The following PSMD14 variants were observed in gnomAD, a reference collection of about 807,000 sequenced individuals.
PSMD14 encodes the protein proteasome 26S subunit, non-ATPase 14, also known as ubiquitin C-terminal hydrolase PSMD14.
Under a neutral mutation model 41.2 loss-of-function variants are expected in PSMD14, and 7 were observed. The observed-to-expected ratio is 0.17, with a 90% CI of 0.10 to 0.32. The LOEUF (loss-of-function observed/expected upper bound fraction) is 0.32. Among genes scored for constraint, PSMD14 ranks in the 10% least tolerant of loss-of-function variants. The probability of loss-of-function intolerance (pLI) is 1.00; values close to 1 mark genes in which losing one functional copy is unlikely to be tolerated. For synonymous variants in PSMD14, 114 were observed against 122.3 expected (o/e 0.93, Z 0.45); for missense variants, 139 against 375.6 (o/e 0.37, Z 5.21).
At chr2:161,358,466 C>T (rs1375025010) in intron 3 of PSMD14, among the ~76,000 whole-genome samples, 10 of 152,066 alleles carry the variant, frequency 6.6e-5, no homozygotes, top group African/African-American at 2.4e-4. Flanking sequence ...TGGAAACTTA[C>T]TGTGGGTGAG....
At chr2:161,376,533 A>G (rs564910500) in intron 7 of PSMD14, among the ~76,000 whole-genome samples, 1 of 151,990 alleles carries the variant, frequency 6.6e-6, no homozygotes, top group Non-Finnish European at 1.5e-5. Context: ...GGTAATGACT[A>G]CAAAAGAAAT....
At chr2:161,403,904 A>ATTTAAATTTTT (rs1393333539) in intron 10 of PSMD14, among the ~76,000 whole-genome samples, 3 of 151,552 alleles carry the variant, frequency 2.0e-5, no homozygotes, top group African/African-American at 7.3e-5. Flanking sequence ...TATCAAATGA[A>ATTTAAATTTTT]TTTAAATTTT....
chr2:161,401,138 T>G (rs1353727748), intron 10 of PSMD14, among the ~76,000 whole-genome samples: 1 of 152,114 alleles, frequency 6.6e-6, no homozygotes, highest in Non-Finnish European at 1.5e-5. Flanking sequence ...GATAAATAAG[T>G]ACGGTACTGT....
chr2:161,335,247 T>C (rs1471162052), intron 3 of PSMD14, among the ~76,000 whole-genome samples: 2 of 152,252 alleles, frequency 1.3e-5, no homozygotes, highest in Non-Finnish European at 2.9e-5. Flanking sequence ...CAACCTCTGT[T>C]ACCAGTTTCT....
At chr2:161,401,395 G>T (rs1683876026) in intron 10 of PSMD14, among the ~76,000 whole-genome samples, 1 of 152,200 alleles carries the variant, frequency 6.6e-6, no homozygotes, top group Non-Finnish European at 1.5e-5. Flanking sequence ...TTGTTCAAGG[G>T]TCAACTGTAC....
At chr2:161,343,583 T>C (rs1446157802) in intron 3 of PSMD14, among the ~76,000 whole-genome samples, 1 of 152,204 alleles carries the variant, frequency 6.6e-6, no homozygotes, top group East Asian at 1.9e-4. Context: ...AACCCTGCAC[T>C]TTGGGAGGCC....
chr2:161,358,976 C>T (rs1379943713), intron 3 of PSMD14, among the ~76,000 whole-genome samples: 1 of 152,120 alleles, frequency 6.6e-6, no homozygotes, highest in Non-Finnish European at 1.5e-5. Context: ...GTTGTTTATT[C>T]AGTTCTTTTT....
Position 161,367,810 on chromosome 2 carries a change from T to C in PSMD14, c.147T>C (p.Val49=), listed in dbSNP as rs775188872. Residue 49 remains valine (V), a synonymous_variant, in exon 5 of 12, where the codon GTT becomes GTC. Coordinates refer to ENST00000409682, the MANE Select transcript of PSMD14 (RefSeq NM_005805.6). ...LKMLKHGRAG[V]PMEVMGLMLG... is the part of the protein sequence containing the mutation. ...TGTTAAAACATGGCCGTGCTGGAGT[T>C]CCAATGGAAGTTATGGGTTTGATGC... 6.2e-7 allele frequency: 1 copy of C among 1,613,478 alleles called. No individual in the cohort carries two copies.
rs568810617 is a variant in PSMD14, at chr2:161,338,369, A to C, written c.48+19496A>C. On this transcript the variant is annotated intron_variant, in intron 3 of 11. Transcript: ENST00000409682. Reference sequence around the variant, plus strand: ...TTTTTTTTTTTTTTTGGAAAGAAAAACTTCTCTTAAAATTTTTTTATTTGG... The same window carrying C: ...TTTTTTTTTTTTTTTGGAAAGAAAACCTTCTCTTAAAATTTTTTTATTTGG... Among the ~76,000 whole-genome samples the C allele has an allele frequency of 1.5e-4, 22 of 148,958 alleles. No individual in the cohort carries two copies. In the South Asian group the frequency reaches 4.2e-3, roughly 28 times the overall value.
intron 3 of PSMD14, among the ~76,000 whole-genome samples, chr2:161,340,535 C>G (rs1682936879): frequency 6.6e-6 from 1 of 152,088 alleles, no homozygotes; most frequent in African/African-American, 2.4e-5. Context: ...AATCCCAGTC[C>G]AGGGTCTGAG....
intron 8 of PSMD14, among the ~76,000 whole-genome samples, chr2:161,388,791 T>C (rs1468226503): frequency 1.3e-5 from 2 of 152,138 alleles, no homozygotes; most frequent in Non-Finnish European, 2.9e-5. Context: ...GAATAGCTTA[T>C]ATATAATCCG....
chr2:161,349,320 G>A (rs1683086192), intron 3 of PSMD14, among the ~76,000 whole-genome samples: 1 of 152,152 alleles, frequency 6.6e-6, no homozygotes, highest in Non-Finnish European at 1.5e-5. Context: ...AGACCACACA[G>A]GCAAAGGATT....
chr2:161,409,507 G>A (rs1056058499), intron 11 of PSMD14: 5 of 152,196 alleles, frequency 3.3e-5, no homozygotes, highest in African/African-American at 1.2e-4. Context: ...TATTGCTGAT[G>A]TTGGCAGAAT....
In PSMD14 at chr2:161,364,653, A is replaced by G. The variant is rs556020441; in HGVS notation, c.49-2825A>G. Among the ~76,000 whole-genome samples, 382 of 152,274 alleles carry G rather than the reference A, an allele frequency of 2.5e-3. 2 individuals are homozygous for G. The highest frequency in any genetic ancestry group is 8.8e-3 in the African/African-American group (367 of 41,540). On this transcript the variant is annotated intron_variant, in intron 3 of 11. Coordinates refer to ENST00000409682, the MANE Select transcript of PSMD14 (RefSeq NM_005805.6). Reference sequence around the variant, plus strand: ...GAGCATGTAGGAAAACAACAGCCTTAGTCACTGCTGGCTGAGGTCTTTAGT... The same window carrying G: ...GAGCATGTAGGAAAACAACAGCCTTGGTCACTGCTGGCTGAGGTCTTTAGT...
chr2:161,322,391 GTTA>G (rs1258270152), intron 3 of PSMD14, among the ~76,000 whole-genome samples: 1 of 151,904 alleles, frequency 6.6e-6, no homozygotes, highest in South Asian at 2.1e-4. Context: ...TCATGTTATT[GTTA>G]TTATTATTAT....
chr2:161,382,475 G>C (rs540258834), intron 7 of PSMD14: 1 of 151,856 alleles, frequency 6.6e-6, no homozygotes, highest in South Asian at 2.1e-4. Context: ...AAACAAAAAA[G>C]GAAAGTAAGA....
intron 8 of PSMD14, among the ~76,000 whole-genome samples, chr2:161,386,031 T>G (rs1328903700): frequency 1.3e-5 from 2 of 151,810 alleles, no homozygotes; most frequent in Non-Finnish European, 2.9e-5. Flanking sequence ...AACCCACCTT[T>G]AAAATAAATC....
chr2:161,391,228 A>G (rs943214976), intron 9 of PSMD14, 50 bp downstream of exon 9: 3 of 1,451,144 alleles, frequency 2.1e-6, no homozygotes, highest in Non-Finnish European at 2.7e-6. Flanking sequence ...TTTTCAAACC[A>G]TTTAAACTAT....
At chr2:161,318,911 A>C (rs1689173696) in intron 3 of PSMD14, 38 bp downstream of exon 3, 1 of 1,550,144 alleles carries the variant, frequency 6.5e-7, no homozygotes, top group Non-Finnish European at 8.8e-7. Context: ...CTTGTGTGTA[A>C]ACTACAAGCC....
Sources: allele counts gnomAD v4.1 joint callset (sites outside exome capture counted in the v4.1 genomes callset), GRCh38; gene constraint gnomAD v4.1.1; transcripts MANE v1.5; gene names NCBI Gene and HGNC (gene_info 2026-07-23, HGNC 2026-07-21).